ASTN2: variants seen among roughly 807,000 people sequenced by gnomAD.
The protein encoded by ASTN2 is astrotactin-2.
ASTN2 carries 54 observed loss-of-function variants against 139.8 expected under a neutral mutation model. That is an observed-to-expected ratio of 0.39 (90% CI 0.31 to 0.48). ASTN2 has a LOEUF of 0.48. Among genes scored for constraint, ASTN2 ranks in the 20% least tolerant of loss-of-function variants. The pLI is 0.95. For synonymous variants in ASTN2, 756 were observed against 719.5 expected (o/e 1.05, Z -0.81); for missense variants, 1,565 against 1,725.1 (o/e 0.91, Z 1.64).
intron 19 of ASTN2, among the ~76,000 whole-genome samples, chr9:116,606,396 T>C (rs921595329): frequency 6.6e-6 from 1 of 151,876 alleles, no homozygotes; most frequent in African/African-American, 2.4e-5. Context: ...AGCCATAAAG[T>C]GTGTGTGTAT....
At chr9:116,813,023 T>G (rs181978137) in intron 12 of ASTN2, among the ~76,000 whole-genome samples, 8 of 152,168 alleles carry the variant, frequency 5.3e-5, no homozygotes, top group Non-Finnish European at 1.2e-4. Flanking sequence ...GGGTTTTTTT[T>G]AAATTTTATT....
At chr9:117,360,771 C>T (rs1050882923) in intron 1 of ASTN2, among the ~76,000 whole-genome samples, 4 of 132,704 alleles carry the variant, frequency 3.0e-5, no homozygotes, top group Middle Eastern at 3.9e-3. Flanking sequence ...CTTCCCCTCT[C>T]TACCCCCAGT....
intron 4 of ASTN2, among the ~76,000 whole-genome samples, chr9:117,111,301 G>A (rs1005807646): frequency 2.6e-5 from 4 of 152,108 alleles, no homozygotes; most frequent in Non-Finnish European, 5.9e-5. Flanking sequence ...AACTTTAACA[G>A]CAATAGCTGT....
intron 10 of ASTN2, among the ~76,000 whole-genome samples, chr9:116,908,596 TGTTCTGTGTG>T (rs1834228643): frequency 6.6e-6 from 1 of 152,184 alleles, no homozygotes; most frequent in South Asian, 2.1e-4. Context: ...AGGAGAACCT[TGTTCTGTGTG>T]GCTCCAGAAG....
chr9:117,076,865 T>C (rs868244684), intron 5 of ASTN2, among the ~76,000 whole-genome samples: 2 of 152,308 alleles, frequency 1.3e-5, no homozygotes, highest in Non-Finnish European at 1.5e-5. Context: ...TATATTTTTT[T>C]CCTTTCTTTT....
At chr9:117,188,546 T>C (rs1402457308) in intron 3 of ASTN2, among the ~76,000 whole-genome samples, 1 of 152,094 alleles carries the variant, frequency 6.6e-6, no homozygotes, top group Non-Finnish European at 1.5e-5. Flanking sequence ...CACTGCTGTG[T>C]TGTTGCTGGA....
intron 16 of ASTN2, among the ~76,000 whole-genome samples, chr9:116,667,597 T>C (rs1351011766): frequency 4.6e-5 from 7 of 152,114 alleles, no homozygotes; most frequent in East Asian, 1.9e-4. Flanking sequence ...TAATAAAACA[T>C]TGAGAAAAGA....
intron 2 of ASTN2, among the ~76,000 whole-genome samples, chr9:117,246,616 C>T (rs1833390330): frequency 6.6e-6 from 1 of 152,194 alleles, no homozygotes; most frequent in African/African-American, 2.4e-5. Flanking sequence ...GACAGTGGAA[C>T]TCGGATTTCC....
intron 4 of ASTN2, among the ~76,000 whole-genome samples, chr9:117,111,908 A>G (rs1212392055): frequency 6.6e-6 from 1 of 152,106 alleles, no homozygotes; most frequent in Non-Finnish European, 1.5e-5. Flanking sequence ...CAAAGAATAT[A>G]CAAAACAACT....
intron 19 of ASTN2, chr9:116,569,060 C>T (rs1853379369): frequency 6.6e-6 from 1 of 152,142 alleles, no homozygotes; most frequent in African/African-American, 2.4e-5. Flanking sequence ...GGAGTGTGAG[C>T]AAGATATTCT....
chr9:117,148,062 C>T (rs1348248123), intron 3 of ASTN2, among the ~76,000 whole-genome samples: 1 of 152,174 alleles, frequency 6.6e-6, no homozygotes, highest in East Asian at 1.9e-4. Context: ...CCAGTGGACC[C>T]TTGCTCAAGA....
intron 1 of ASTN2, among the ~76,000 whole-genome samples, chr9:117,327,795 T>C (rs953445116): frequency 3.9e-5 from 6 of 152,234 alleles, no homozygotes; most frequent in South Asian, 2.1e-4. Flanking sequence ...ACAAGCATTA[T>C]GCTAGAAGCT....
At chr9:117,198,185 C>G (rs1200773878) in intron 3 of ASTN2, among the ~76,000 whole-genome samples, 1 of 151,836 alleles carries the variant, frequency 6.6e-6, no homozygotes, top group African/African-American at 2.4e-5. Flanking sequence ...CCCTCACCCC[C>G]AACCCTCCAA....
intron 13 of ASTN2, among the ~76,000 whole-genome samples, chr9:116,744,144 A>G (rs999483615): frequency 6.6e-6 from 1 of 152,176 alleles, no homozygotes; most frequent in African/African-American, 2.4e-5. Flanking sequence ...AACAGCATGC[A>G]CAAAAGTCCA....
chr9:117,063,813 G>C (rs970358819), intron 5 of ASTN2, among the ~76,000 whole-genome samples: 1 of 152,086 alleles, frequency 6.6e-6, no homozygotes, highest in African/African-American at 2.4e-5. Flanking sequence ...TGGGCTCCTA[G>C]GTTGGGGTCC....
intron 19 of ASTN2, among the ~76,000 whole-genome samples, chr9:116,506,420 A>G (rs1850110946): frequency 6.6e-6 from 1 of 152,178 alleles, no homozygotes; most frequent in Non-Finnish European, 1.5e-5. Flanking sequence ...CTTCACCTCC[A>G]AGCATGCCCT....
intron 3 of ASTN2, among the ~76,000 whole-genome samples, chr9:117,204,256 T>C (rs528353103): frequency 1.1e-4 from 16 of 152,278 alleles, no homozygotes; most frequent in African/African-American, 3.8e-4. Context: ...ACAGGGTTTT[T>C]CCATTTCGGC....
intron 19 of ASTN2, among the ~76,000 whole-genome samples, chr9:116,603,916 G>A (rs185908588): frequency 1.3e-5 from 2 of 152,284 alleles, no homozygotes; most frequent in African/African-American, 4.8e-5. Context: ...TTGTGTATGA[G>A]AGGTTGATCC....
intron 16 of ASTN2, among the ~76,000 whole-genome samples, chr9:116,718,290 T>C (rs1420555025): frequency 6.6e-6 from 1 of 152,052 alleles, no homozygotes; most frequent in Admixed American, 6.6e-5. Flanking sequence ...GGAAGGTCAG[T>C]ATGACAAAAC....
Sources: gnomAD v4.1 joint callset for allele counts (sites outside exome capture counted in the v4.1 genomes callset) on GRCh38, gnomAD v4.1.1 for gene constraint, MANE v1.5 for transcripts, NCBI Gene and HGNC (gene_info 2026-07-23, HGNC 2026-07-21) for gene names.